Variants in GYG1 observed in about 807,000 individuals in gnomAD.
GYG1 encodes the protein glycogenin-1.
A neutral mutation model predicts 41.9 loss-of-function variants in GYG1; 44 were observed. That is an observed-to-expected ratio of 1.05 (90% confidence interval 0.83 to 1.35). The LOEUF (loss-of-function observed/expected upper bound fraction) is 1.35. Among genes scored for constraint, GYG1 ranks in the 40% most tolerant of loss-of-function variants. The pLI, the probability that GYG1 is intolerant of heterozygous loss-of-function variation, is 0.00. For synonymous variants in GYG1, 141 were observed against 158.1 expected (o/e 0.89, Z 0.81); for missense variants, 429 against 418.9 (o/e 1.02, Z -0.21).
intron 4 of GYG1, among the ~76,000 whole-genome samples, chr3:149,003,038 T>G (rs1328320880): frequency 6.6e-6 from 1 of 151,878 alleles, no homozygotes; most frequent in East Asian, 1.9e-4. Flanking sequence ...AATAGATAGA[T>G]AGATAGAAGT....
chr3:148,992,560 T>C (rs894042776), intron 1 of GYG1: 1 of 152,318 alleles, frequency 6.6e-6, no homozygotes, highest in Admixed American at 6.5e-5. Flanking sequence ...TGAATCCTGC[T>C]CACCTTATTA....
intron 6 of GYG1, among the ~76,000 whole-genome samples, chr3:149,024,783 A>G (rs909884307): frequency 6.6e-6 from 1 of 152,226 alleles, no homozygotes; most frequent in African/African-American, 2.4e-5. Flanking sequence ...AAAAAGAAAT[A>G]TCTTTGTAGG....
chr3:149,008,435 G>A (rs12496613), intron 4 of GYG1, among the ~76,000 whole-genome samples: 124,589 of 151,740 alleles, frequency 0.82, 51,802 homozygotes, highest in African/African-American at 0.95. Flanking sequence ...CCACAGGTCG[G>A]TGGTGTGCAC....
Position 149,029,716 on chromosome 3 carries a change from C to CA in GYG1, c.*2784dup, listed in dbSNP as rs375282981. On this transcript the variant is annotated 3_prime_UTR_variant, in exon 8 of 8. Coordinates refer to ENST00000345003, the MANE Select transcript of GYG1 (RefSeq NM_004130.4). The stretch of plus-strand genomic sequence containing the variant: ...TTGCCATTCCCCAAAACAAAGCACA[C>CA]ACTGCCGAAGATCATTAGTACTCAC... 3.3e-4 allele frequency among the ~76,000 whole-genome samples: 50 copies of CA among 152,322 alleles called. 1 individual carries two copies. The highest frequency in any genetic ancestry group is 1.0e-3 in the African/African-American group (43 of 41,572).
At chr3:148,997,409 A>G (rs1449071297) in intron 4 of GYG1, among the ~76,000 whole-genome samples, 3 of 152,242 alleles carry the variant, frequency 2.0e-5, no homozygotes, top group Non-Finnish European at 2.9e-5. Flanking sequence ...CCAAACTCTC[A>G]TTCTCTATAA....
intron 5 of GYG1, 137 bp from the exon 6 acceptor site, chr3:149,023,916 T>C (rs1559844385): frequency 4.2e-6 from 3 of 722,142 alleles, no homozygotes; most frequent in Non-Finnish European, 7.6e-6. Flanking sequence ...GTCATGCTAC[T>C]GCACTCCAGC....
chr3:149,010,976 T>G (rs1713691652), intron 5 of GYG1, among the ~76,000 whole-genome samples: 1 of 152,196 alleles, frequency 6.6e-6, no homozygotes, highest in Non-Finnish European at 1.5e-5. Context: ...ATGTTTCCTT[T>G]TCTGTTCTTT....
chr3:148,996,982 G>T, intron 4 of GYG1, 78 bp downstream of exon 4: 2 of 1,095,960 alleles, frequency 1.8e-6, no homozygotes, highest in Non-Finnish European at 2.8e-6. Context: ...GAATATAATT[G>T]CTGTGGTTTA....
chr3:149,002,674 T>G (rs933874957), intron 4 of GYG1, among the ~76,000 whole-genome samples: 5 of 152,134 alleles, frequency 3.3e-5, no homozygotes, highest in African/African-American at 1.2e-4. Context: ...CTTAGCATGC[T>G]CACTATAGGC....
intron 5 of GYG1, among the ~76,000 whole-genome samples, chr3:149,017,730 A>C (rs1168761614): frequency 6.7e-6 from 1 of 148,492 alleles, no homozygotes; most frequent in South Asian, 2.1e-4. Context: ...CAGCCTCCCA[A>C]GTAGCTGGGA....
At chr3:149,002,273 C>T (rs1713132635) in intron 4 of GYG1, among the ~76,000 whole-genome samples, 1 of 152,190 alleles carries the variant, frequency 6.6e-6, no homozygotes, top group East Asian at 1.9e-4. Context: ...ACCTTACAGA[C>T]ATCTAACAAC....
intron 5 of GYG1, among the ~76,000 whole-genome samples, chr3:149,015,639 A>G (rs1713979579): frequency 6.6e-6 from 1 of 152,156 alleles, no homozygotes. Flanking sequence ...GACTTTGGCA[A>G]GAGGACGTCT....
In GYG1 at chr3:149,029,768, T is replaced by C. The variant is rs1324900695; in HGVS notation, c.*2835T>C. Among the ~76,000 whole-genome samples, 1 of 152,240 alleles carries C rather than the reference T, an allele frequency of 6.6e-6. No individual in the cohort carries two copies. The highest frequency in any genetic ancestry group is 2.4e-5 in the African/African-American group (1 of 41,462). On this transcript the variant is annotated 3_prime_UTR_variant, in exon 8 of 8. Transcript: ENST00000345003. ...GGTAACAAACTACATAGGGTTAGTT[T>C]GTATTTCCAATTCTAGAGCTGTAAT... is the stretch of plus-strand genomic sequence containing the variant.
At chr3:149,008,981 A>T (rs1457791219) in intron 4 of GYG1, 1 of 329,802 alleles carries the variant, frequency 3.0e-6, no homozygotes, top group Non-Finnish European at 5.7e-6. Flanking sequence ...AACACGGTGA[A>T]ACCCCATCTC....
intron 2 of GYG1, among the ~76,000 whole-genome samples, chr3:148,994,546 C>A (rs576272854): frequency 1.2e-4 from 19 of 152,244 alleles, no homozygotes; most frequent in African/African-American, 4.6e-4. Flanking sequence ...CGTCTTCCTT[C>A]ACTCCATCCC....
At chr3:149,023,927 C>A in intron 5 of GYG1, 126 bp from the exon 6 acceptor site, 1 of 744,784 alleles carries the variant, frequency 1.3e-6, no homozygotes. Flanking sequence ...GCACTCCAGC[C>A]TGGGTGACAG....
In GYG1 at chr3:149,028,376, C is replaced by T. The variant is rs1049914998; in HGVS notation, c.*1443C>T. ...ATTAAATGATAAATGACTTCTGAAACTAGCTATTTGGACTGGTGAAGAATG... is the reference window on the plus strand; with the variant it reads ...ATTAAATGATAAATGACTTCTGAAATTAGCTATTTGGACTGGTGAAGAATG... On this transcript the variant is annotated 3_prime_UTR_variant, in exon 8 of 8. Transcript: ENST00000345003. Among the ~76,000 whole-genome samples the T allele has an allele frequency of 2.0e-5, 3 of 152,122 alleles. No homozygotes were observed. Among genetic ancestry groups the T allele is most frequent in the African/African-American group, 7.2e-5 (3 of 41,416 alleles).
chr3:148,998,586 C>A (rs996676417), intron 4 of GYG1, among the ~76,000 whole-genome samples: 4 of 152,164 alleles, frequency 2.6e-5, no homozygotes, highest in Admixed American at 2.0e-4. Flanking sequence ...GAAGTGAAGT[C>A]TTGTTTTAAG....
At chr3:149,006,121 C>A (rs906942392) in intron 4 of GYG1, among the ~76,000 whole-genome samples, 2 of 132,716 alleles carry the variant, frequency 1.5e-5, no homozygotes, top group African/African-American at 5.8e-5. Context: ...CTCACTCTGT[C>A]ACCCTGCCTT....
Sources: allele counts gnomAD v4.1 joint callset (sites outside exome capture counted in the v4.1 genomes callset), GRCh38; gene constraint gnomAD v4.1.1; transcripts MANE v1.5; gene names NCBI Gene and HGNC (gene_info 2026-07-23, HGNC 2026-07-21).